The following NAALADL2 variants were observed in gnomAD, a reference collection of about 807,000 sequenced individuals.
NAALADL2 encodes N-acetylated alpha-linked acidic dipeptidase like 2, also known as inactive N-acetylated-alpha-linked acidic dipeptidase-like protein 2.
Under a neutral mutation model 87.2 loss-of-function variants are expected in NAALADL2, and 76 were observed. That is an observed-to-expected ratio of 0.87 (90% CI 0.72 to 1.05). The LOEUF (loss-of-function observed/expected upper bound fraction) is 1.05, where lower values mean the gene tolerates loss of function less well. NAALADL2 is among the 50% of genes least tolerant of loss of function. The probability of loss-of-function intolerance (pLI) is 0.00; values close to 1 mark genes in which losing one functional copy is unlikely to be tolerated. For synonymous variants in NAALADL2, 354 were observed against 331.0 expected, an observed-to-expected ratio of 1.07 and a Z score of -0.75; for missense variants, 1,089 against 945.8, an observed-to-expected ratio of 1.15 and a Z score of -1.99.
At chr3:174,668,709 A>G (rs981019298) in intron 2 of NAALADL2, among the ~76,000 whole-genome samples, 1 of 152,142 alleles carries the variant, frequency 6.6e-6, no homozygotes, top group Admixed American at 6.6e-5. Flanking sequence ...GCTGAGAATG[A>G]TGGTTTCCAG....
At chr3:175,298,276 A>G (rs116484670) in intron 4 of NAALADL2, among the ~76,000 whole-genome samples, 1,640 of 152,194 alleles carry the variant, frequency 0.011, 31 homozygotes, top group African/African-American at 0.038. Context: ...GGGATGCGGA[A>G]ACTTGTTTAA....
chr3:175,023,449 T>C (rs775089115), intron 1 of NAALADL2, among the ~76,000 whole-genome samples: 1 of 152,084 alleles, frequency 6.6e-6, no homozygotes, highest in Non-Finnish European at 1.5e-5. Context: ...ATTTTTTCGA[T>C]TGAGAAACTA....
At chr3:175,679,303 A>G (rs568232484) in intron 11 of NAALADL2, among the ~76,000 whole-genome samples, 1 of 151,580 alleles carries the variant, frequency 6.6e-6, no homozygotes, top group Non-Finnish European at 1.5e-5. Context: ...AAAGAATGTT[A>G]TGCTAAATGT....
intron 1 of NAALADL2, among the ~76,000 whole-genome samples, chr3:174,463,248 A>C (rs1269768561): frequency 6.6e-6 from 1 of 152,166 alleles, no homozygotes; most frequent in African/African-American, 2.4e-5. Flanking sequence ...ATGGTCCTCA[A>C]CTATCTCTGC....
chr3:175,132,767 C>T (rs1387169224), intron 2 of NAALADL2, among the ~76,000 whole-genome samples: 17 of 148,766 alleles, frequency 1.1e-4, no homozygotes, highest in African/African-American at 2.2e-4. Flanking sequence ...CCGGACAGGG[C>T]GGCTCTCCTG....
At chr3:175,075,661 C>T (rs1438445342) in intron 1 of NAALADL2, among the ~76,000 whole-genome samples, 1 of 152,072 alleles carries the variant, frequency 6.6e-6, no homozygotes, top group African/African-American at 2.4e-5. Context: ...AACAAGACTC[C>T]TCATTCTTCC....
At chr3:175,791,485 A>ACTGTTTCTGTTGG (rs1752768588) in intron 13 of NAALADL2, among the ~76,000 whole-genome samples, 1 of 152,182 alleles carries the variant, frequency 6.6e-6, no homozygotes, top group Non-Finnish European at 1.5e-5. Context: ...AGAGAAACCA[A>ACTGTTTCTGTTGG]GACATTGGGA....
chr3:175,240,283 G>A (rs1232575252), intron 3 of NAALADL2, among the ~76,000 whole-genome samples: 1 of 152,178 alleles, frequency 6.6e-6, no homozygotes. Flanking sequence ...ATATCAATAT[G>A]TAGTGCCTTA....
At chr3:175,135,315 A>G (rs1032041136) in intron 2 of NAALADL2, among the ~76,000 whole-genome samples, 2 of 152,162 alleles carry the variant, frequency 1.3e-5, no homozygotes, top group African/African-American at 4.8e-5. Context: ...GTGATAATTC[A>G]TTGTGTTGGG....
chr3:174,675,563 A>G (rs1726969989), intron 2 of NAALADL2, among the ~76,000 whole-genome samples: 1 of 152,074 alleles, frequency 6.6e-6, no homozygotes, highest in Non-Finnish European at 1.5e-5. Context: ...TTTTTGCAAC[A>G]GCCAACCAGA....
intron 11 of NAALADL2, among the ~76,000 whole-genome samples, chr3:175,632,540 G>A (rs1321497120): frequency 2.0e-5 from 3 of 151,914 alleles, no homozygotes; most frequent in African/African-American, 4.8e-5. Flanking sequence ...ATAATTATAC[G>A]TATTTTGGAA....
rs1560423924 is a variant in NAALADL2 at position 174,968,504 on chromosome 3, T to A, written c.43+109054T>A. On this transcript the variant is annotated intron_variant, in intron 1 of 13. Transcript: ENST00000454872. Reference sequence around the variant, plus strand: ...ACTCCACAGCCTGTTTTTCTAACTATTTTTTTTTTCTATCACCCAGGCTGC... The same window carrying A: ...ACTCCACAGCCTGTTTTTCTAACTAATTTTTTTTTCTATCACCCAGGCTGC... Among the ~76,000 whole-genome samples, 5 of 148,884 alleles carry A rather than the reference T, an allele frequency of 3.4e-5. No individual in the cohort carries two copies. The Admixed American group carries it at 3.4e-4, about 10-fold the overall frequency.
chr3:175,142,600 T>C (rs975478702), intron 2 of NAALADL2, among the ~76,000 whole-genome samples: 4 of 148,564 alleles, frequency 2.7e-5, no homozygotes, highest in African/African-American at 1.0e-4. Context: ...CGTCCTCTAT[T>C]ACTGCACTTT....
intron 1 of NAALADL2, among the ~76,000 whole-genome samples, chr3:174,953,082 A>T (rs1200435663): frequency 6.6e-6 from 1 of 152,038 alleles, no homozygotes; most frequent in Admixed American, 6.6e-5. Flanking sequence ...TACTATTATT[A>T]TAAGAATCCC....
intron 1 of NAALADL2, among the ~76,000 whole-genome samples, chr3:175,072,782 T>C (rs1715897918): frequency 6.6e-6 from 1 of 151,328 alleles, no homozygotes; most frequent in Non-Finnish European, 1.5e-5. Flanking sequence ...GGCACATGTA[T>C]ACATATGTAA....
chr3:175,473,485 C>A (rs1286364374), intron 9 of NAALADL2, among the ~76,000 whole-genome samples: 1 of 151,618 alleles, frequency 6.6e-6, no homozygotes, highest in African/African-American at 2.4e-5. Flanking sequence ...CAACTTCAAG[C>A]AAAGGATAGC....
chr3:175,809,672 GC>G lies in NAALADL2; in HGVS notation c.*6471del, dbSNP rs940522531. On this transcript the variant is annotated 3_prime_UTR_variant, in exon 14 of 14. Coordinates refer to ENST00000454872, the MANE Select transcript of NAALADL2 (RefSeq NM_207015.3). The stretch of plus-strand genomic sequence containing the variant: ...GCTAAAATCATGCCACTGTAGTCCA[GC>G]CTGTGTAACAGAACCTATCTCAAAA... The G allele has an allele frequency of 3.3e-5, 5 of 151,910 alleles. No homozygotes were observed. Among genetic ancestry groups the G allele is most frequent in the African/African-American group, 9.7e-5 (4 of 41,402 alleles). 9.4% of individuals were successfully genotyped at this position (151,910 alleles called of 1,614,324 possible).
intron 1 of NAALADL2, among the ~76,000 whole-genome samples, chr3:175,021,502 G>A (rs1013379707): frequency 1.1e-4 from 16 of 152,006 alleles, no homozygotes; most frequent in African/African-American, 2.9e-4. Flanking sequence ...AAAAATCACA[G>A]ATCAATTTGA....
chr3:175,320,093 A>C (rs1294134381), intron 4 of NAALADL2, among the ~76,000 whole-genome samples: 1 of 152,338 alleles, frequency 6.6e-6, no homozygotes, highest in South Asian at 2.1e-4. Flanking sequence ...ACCTTCAGTC[A>C]TGTTCTCCTT....
Sources: gnomAD v4.1 joint callset for allele counts (sites outside exome capture counted in the v4.1 genomes callset) on GRCh38, gnomAD v4.1.1 for gene constraint, MANE v1.5 for transcripts, NCBI Gene and HGNC (gene_info 2026-07-23, HGNC 2026-07-21) for gene names.